BACH2: variants seen among roughly 807,000 people sequenced by gnomAD.
BACH2 encodes transcription regulator protein BACH2.
In BACH2, 5 loss-of-function variants were observed where a neutral mutation model predicts 61.8. That is an observed-to-expected ratio of 0.08 (90% confidence interval 0.04 to 0.17). The LOEUF is 0.17. BACH2 is among the 10% of genes least tolerant of loss of function. The pLI is 1.00. For synonymous variants in BACH2, 446 were observed against 440.1 expected (o/e 1.01, Z -0.17); for missense variants, 824 against 1,091.1 (o/e 0.76, Z 3.45).
chr6:90,047,013 C>A (rs563153463), intron 5 of BACH2, among the ~76,000 whole-genome samples: 40 of 152,256 alleles, frequency 2.6e-4, no homozygotes, highest in Non-Finnish European at 2.9e-4. Context: ...CTCACTGCAA[C>A]CTCTGCCTCC....
At chr6:90,269,950 A>AG (rs769855124) in intron 2 of BACH2, among the ~76,000 whole-genome samples, 3 of 152,190 alleles carry the variant, frequency 2.0e-5, no homozygotes, top group Non-Finnish European at 4.4e-5. Flanking sequence ...GAGTCTCCAG[A>AG]GTCCATTATA....
At chr6:89,936,360 T>C (rs1773021638) in intron 8 of BACH2, among the ~76,000 whole-genome samples, 1 of 152,168 alleles carries the variant, frequency 6.6e-6, no homozygotes, top group Non-Finnish European at 1.5e-5. Flanking sequence ...CAGGCTAGTC[T>C]CAAACTTGTG....
At chr6:90,226,313 A>G (rs1432218043) in intron 3 of BACH2, among the ~76,000 whole-genome samples, 3 of 152,230 alleles carry the variant, frequency 2.0e-5, no homozygotes, top group Non-Finnish European at 4.4e-5. Context: ...GAAGCACTGC[A>G]TGACTTGCCT....
intron 6 of BACH2, among the ~76,000 whole-genome samples, chr6:90,005,051 C>T (rs1777333769): frequency 6.6e-6 from 1 of 151,964 alleles, no homozygotes; most frequent in African/African-American, 2.4e-5. Context: ...TTTTGTCTGT[C>T]TTTCAGTTTA....
chr6:90,288,577 C>G (rs1307035277), intron 1 of BACH2, among the ~76,000 whole-genome samples: 1 of 152,080 alleles, frequency 6.6e-6, no homozygotes. Flanking sequence ...CCCTGCAAAC[C>G]TGAGGTAATT....
intron 5 of BACH2, among the ~76,000 whole-genome samples, chr6:90,061,974 G>C (rs1160297577): frequency 6.6e-6 from 1 of 152,200 alleles, no homozygotes; most frequent in Non-Finnish European, 1.5e-5. Flanking sequence ...GAGCAGTAAA[G>C]TGGAGTAGAA....
chr6:90,278,349 C>A (rs1042009506), intron 1 of BACH2, among the ~76,000 whole-genome samples: 6 of 152,254 alleles, frequency 3.9e-5, no homozygotes. Context: ...CTCGTCAGTG[C>A]CCAGCCAAGG....
intron 4 of BACH2, among the ~76,000 whole-genome samples, chr6:90,135,715 T>C (rs1470401763): frequency 2.0e-5 from 3 of 152,136 alleles, no homozygotes; most frequent in African/African-American, 7.2e-5. Context: ...CTCCGTCTAA[T>C]AAGAGCAGAC....
At position 89,950,664 on chromosome 6, in the gene BACH2, G is replaced by T. The variant is rs759051445; in HGVS notation, c.1442C>A (p.Ser481Tyr). 12 of 1,614,188 alleles carry T rather than the reference G, an allele frequency of 7.4e-6. No individual in the cohort carries two copies. Among genetic ancestry groups the T allele is most frequent in the Non-Finnish European group, 1.0e-5 (12 of 1,180,032 alleles). The change falls in exon 7 of 9, where the codon TCC (serine) becomes TAC (tyrosine). Residue 481 changes from serine (S) to tyrosine (Y), a missense_variant. Physicochemically the swap from Ser to Tyr is moderately radical, Grantham distance 144. Transcript: ENST00000257749. This position sits in a 1 kb window ranked among gnomAD's most constrained non-coding sequence, Gnocchi z 5.3. ...GTGGTCGGCCATCAGCCCACCGTGG[G>T]AGTAGGCCTGCGAGCTGGGGAGGGA... ...GQSLPSSQAYSHGGLMADHLP... is the reference protein window; with the variant it reads ...GQSLPSSQAYYHGGLMADHLP...
chr6:90,276,328 T>A (rs1771689622), intron 1 of BACH2, among the ~76,000 whole-genome samples: 1 of 152,232 alleles, frequency 6.6e-6, no homozygotes, highest in Non-Finnish European at 1.5e-5. Flanking sequence ...CCATCCTGAA[T>A]GAGAGCACAG....
chr6:89,994,117 G>A (rs1044557181), intron 6 of BACH2, among the ~76,000 whole-genome samples: 1 of 152,132 alleles, frequency 6.6e-6, no homozygotes, highest in Non-Finnish European at 1.5e-5. Flanking sequence ...AAATAACCAC[G>A]AAAGCAGTCT....
intron 3 of BACH2, among the ~76,000 whole-genome samples, chr6:90,210,306 C>G (rs1286778116): frequency 8.2e-6 from 1 of 121,808 alleles, no homozygotes; most frequent in Non-Finnish European, 1.7e-5. Flanking sequence ...ACACACACCC[C>G]AAAACAACAC....
intron 4 of BACH2, among the ~76,000 whole-genome samples, chr6:90,170,989 G>C (rs1189949504): frequency 6.6e-6 from 1 of 150,528 alleles, no homozygotes; most frequent in Non-Finnish European, 1.5e-5. Context: ...GAAGGTCAAA[G>C]CCAATACCCT....
chr6:90,002,015 C>T (rs1246341071), intron 6 of BACH2, among the ~76,000 whole-genome samples: 3 of 152,182 alleles, frequency 2.0e-5, no homozygotes, highest in Non-Finnish European at 4.4e-5. Context: ...TCTACTGCTC[C>T]CCCAAAAGTG....
chr6:90,218,920 CGTGTGTGTGTGTGTGTGT>C (rs3221352), intron 3 of BACH2, among the ~76,000 whole-genome samples: 3 of 140,494 alleles, frequency 2.1e-5, no homozygotes, highest in East Asian at 2.1e-4. Context: ...GTTTCCTTTC[CGTGTGTGTGTGTGTGTGT>C]GTGTGTGTGT....
chr6:89,982,394 C>T (rs2128363321), intron 6 of BACH2, among the ~76,000 whole-genome samples: 1 of 152,212 alleles, frequency 6.6e-6, no homozygotes, highest in East Asian at 1.9e-4. Flanking sequence ...AAGGAACATC[C>T]TGGCAGCACG....
At chr6:90,033,996 C>A (rs1009438478) in intron 5 of BACH2, among the ~76,000 whole-genome samples, 1 of 152,076 alleles carries the variant, frequency 6.6e-6, no homozygotes, top group Non-Finnish European at 1.5e-5. Flanking sequence ...GGAGGATAAC[C>A]ATTTAGTATT....
chr6:90,166,111 A>C (rs1767606688), intron 4 of BACH2, among the ~76,000 whole-genome samples: 1 of 152,186 alleles, frequency 6.6e-6, no homozygotes, highest in Non-Finnish European at 1.5e-5. Context: ...CTACCATCAG[A>C]GTGAACAGGC....
intron 1 of BACH2, among the ~76,000 whole-genome samples, chr6:90,282,822 T>C (rs1771898008): frequency 6.6e-6 from 1 of 152,186 alleles, no homozygotes; most frequent in East Asian, 1.9e-4. Flanking sequence ...TTTTTTGTTT[T>C]GTTCATGTTT....
Sources: allele counts gnomAD v4.1 joint callset (sites outside exome capture counted in the v4.1 genomes callset), GRCh38; gene constraint gnomAD v4.1.1; non-coding constraint Gnocchi (gnomAD v3.1); transcripts MANE v1.5; gene names NCBI Gene and HGNC (gene_info 2026-07-23, HGNC 2026-07-21).